The following SMYD2 variants were observed in gnomAD, a reference collection of about 807,000 sequenced individuals.
The protein encoded by SMYD2 is SET and MYND domain containing 2.
A neutral mutation model predicts 59.1 loss-of-function variants in SMYD2; 53 were observed. The ratio of observed to expected loss-of-function variants is 0.90; its 90% CI spans 0.72 to 1.13. SMYD2 has a LOEUF of 1.13. SMYD2 is among the 50% of genes most tolerant of loss of function. The pLI is 0.00. For missense variants in SMYD2, 494 were observed against 544.7 expected (o/e 0.91, Z 0.93); for synonymous variants, 208 against 198.8 (o/e 1.05, Z -0.39).
chr1:214,333,268 G>A (rs908101409), intron 10 of SMYD2: 3 of 152,358 alleles, frequency 2.0e-5, no homozygotes, highest in Non-Finnish European at 4.4e-5. Flanking sequence ...TGTAGGGAGA[G>A]AGGAGCAGAC....
In SMYD2 at chr1:214,305,183, TAAGGA is replaced by T; in HGVS notation, c.174_178del (p.Lys59ArgfsTer75). 6.2e-7 allele frequency: 1 copy of T among 1,614,114 alleles called. No individual in the cohort carries two copies. The highest frequency in any genetic ancestry group is 8.5e-7 in the Non-Finnish European group (1 of 1,179,932). On this transcript the variant is annotated splice_acceptor_variant and splice_polypyrimidine_tract_variant and coding_sequence_variant and intron_variant, in exon 2 of 12. Transcript: ENST00000366957. LOFTEE classifies it high-confidence loss of function. ...ACCACTACAGTGCCCTTTCTGTTTT[TAAGGA>T]AAGAAGGATTGTCCAAATGTGGAAG...
At chr1:214,306,074 C>T (rs529884221) in intron 2 of SMYD2, among the ~76,000 whole-genome samples, 5 of 152,068 alleles carry the variant, frequency 3.3e-5, no homozygotes, top group Non-Finnish European at 5.9e-5. Context: ...CTGGACACCC[C>T]GTGGCATTTA....
In SMYD2 at chr1:214,330,154, T is replaced by C. The variant is rs1558057994; in HGVS notation, c.706-14T>C. 3 of 1,567,410 alleles carry C rather than the reference T, an allele frequency of 1.9e-6. No individual in the cohort carries two copies. Among genetic ancestry groups the C allele is most frequent in the Non-Finnish European group, 1.7e-6 (2 of 1,143,596 alleles). ...CTGTAGCAGACTGAAGCTTTATCTT[T>C]TTGGACCCCGTAGGTTTTTACCAGC... is the stretch of plus-strand genomic sequence containing the variant. On this transcript the variant is annotated splice_polypyrimidine_tract_variant and intron_variant, in intron 7 of 11. Transcript: ENST00000366957.
At chr1:214,286,298 C>T (rs887574299) in intron 1 of SMYD2, among the ~76,000 whole-genome samples, 3 of 151,972 alleles carry the variant, frequency 2.0e-5, no homozygotes, top group African/African-American at 7.2e-5. Flanking sequence ...AGACCCCATT[C>T]GCTACAAAAA....
intron 8 of SMYD2, 71 bp downstream of exon 8, chr1:214,330,349 C>T (rs1042971818): frequency 9.3e-7 from 1 of 1,074,996 alleles, no homozygotes; most frequent in Non-Finnish European, 1.4e-6. Flanking sequence ...AAGAGCTTGT[C>T]TGACTTGGCG....
At chr1:214,289,073 C>T (rs1346498559) in intron 1 of SMYD2, among the ~76,000 whole-genome samples, 1 of 151,570 alleles carries the variant, frequency 6.6e-6, no homozygotes, top group Non-Finnish European at 1.5e-5. Flanking sequence ...TCCTGTAGAA[C>T]AGGCAAGTTG....
intron 1 of SMYD2, among the ~76,000 whole-genome samples, chr1:214,283,017 G>C (rs79695850): frequency 6.6e-6 from 1 of 152,144 alleles, no homozygotes; most frequent in Non-Finnish European, 1.5e-5. Flanking sequence ...GGAAGCCATC[G>C]CCTAAGACCA....
intron 1 of SMYD2, among the ~76,000 whole-genome samples, chr1:214,299,482 T>TATATATACACATATATATATACAC (rs751839365): frequency 1.5e-4 from 7 of 45,870 alleles, no homozygotes; most frequent in African/African-American, 4.7e-4. Flanking sequence ...TATATATATA[T>TATATATACACATATATATATACAC]ACACCATAGA....
Position 214,318,193 on chromosome 1 carries a change from G to C in SMYD2, c.409+54G>C, listed in dbSNP as rs55760458. On this transcript the variant is annotated intron_variant, in intron 4 of 11. Transcript: ENST00000366957. This position sits in a 1 kb window ranked among gnomAD's most constrained non-coding sequence, Gnocchi z 5.4. Reference sequence around the variant, plus strand: ...TTCTCTCAGCCACAGATTTCACATGGGTTGGGCAGGATTGAAGCGAGGACG... The same window carrying C: ...TTCTCTCAGCCACAGATTTCACATGCGTTGGGCAGGATTGAAGCGAGGACG... 0.31 allele frequency: 474,114 copies of C among 1,540,646 alleles called. 77,766 individuals are homozygous for C. The highest frequency in any genetic ancestry group is 0.34 in the Non-Finnish European group (378,090 of 1,118,216).
chr1:214,293,693 T>G (rs1656675288), intron 1 of SMYD2, among the ~76,000 whole-genome samples: 1 of 152,138 alleles, frequency 6.6e-6, no homozygotes, highest in South Asian at 2.1e-4. Flanking sequence ...ACTCTTTTTT[T>G]GAGATGGAGT....
chr1:214,286,882 A>C (rs1417463251), intron 1 of SMYD2, among the ~76,000 whole-genome samples: 1 of 138,294 alleles, frequency 7.2e-6, no homozygotes, highest in Non-Finnish European at 1.5e-5. Flanking sequence ...ATGGAGTCTC[A>C]CTCTGTCACC....
intron 5 of SMYD2, among the ~76,000 whole-genome samples, chr1:214,321,683 T>C (rs1231821865): frequency 6.6e-6 from 1 of 152,210 alleles, no homozygotes; most frequent in Non-Finnish European, 1.5e-5. Flanking sequence ...TGGGAACATA[T>C]GCATGATTGG....
intron 1 of SMYD2, 38 bp downstream of exon 1, chr1:214,281,465 G>A: frequency 6.7e-6 from 9 of 1,341,382 alleles, no homozygotes; most frequent in Non-Finnish European, 8.6e-6. Context: ...GCGGGAGCCG[G>A]GGGCGCCGAG....
rs1280751259 is a variant in SMYD2, at chr1:214,318,126, G to A, written c.396G>A (p.Lys132=). 4 of 1,613,970 alleles carry A rather than the reference G, an allele frequency of 2.5e-6. No homozygotes were observed. The highest frequency in any genetic ancestry group is 1.3e-5 in the African/African-American group (1 of 75,032). Residue 132 remains lysine, a synonymous_variant, in exon 4 of 12, where the codon AAG becomes AAA. Transcript: ENST00000366957. This position sits in a 1 kb window ranked among gnomAD's most constrained non-coding sequence, Gnocchi z 5.4. ...CTTCGGAAAAATTGTTAGCTGTGAA[G>A]GAGTTTGAATCACGTAAGTCTTTCT... ...RTPSEKLLAV[K]EFESHLDKLD... is the part of the protein sequence containing the mutation.
At chr1:214,311,508 C>T (rs938052235) in intron 2 of SMYD2, among the ~76,000 whole-genome samples, 11 of 152,280 alleles carry the variant, frequency 7.2e-5, no homozygotes, top group Non-Finnish European at 1.5e-5. Flanking sequence ...CGTTGTCACA[C>T]AGCTGCTTCG....
rs1281416053 is a variant in SMYD2 at position 214,281,224 on chromosome 1, G to C, written c.-31G>C. The C allele has an allele frequency of 6.5e-6, 8 of 1,225,604 alleles. No individual in the cohort carries two copies. The highest frequency in any genetic ancestry group is 8.2e-6 in the Non-Finnish European group (8 of 979,384). 75.9% of individuals were successfully genotyped at this position (1,225,604 alleles called of 1,614,324 possible). The stretch of plus-strand genomic sequence containing the variant: ...CAGCTCGCCGGGAGCCGCAGCTCGG[G>C]CACAGCCGGCGGCCGCGCCCCGCCG... On this transcript the variant is annotated 5_prime_UTR_variant, in exon 1 of 12. Transcript: ENST00000366957.
intron 6 of SMYD2, among the ~76,000 whole-genome samples, chr1:214,326,458 C>T (rs1451431006): frequency 6.6e-6 from 1 of 152,028 alleles, no homozygotes; most frequent in Admixed American, 6.6e-5. Flanking sequence ...AACTACCCTT[C>T]GATGCATTTG....
chr1:214,281,816 G>A (rs1173657482), intron 1 of SMYD2, among the ~76,000 whole-genome samples: 3 of 152,254 alleles, frequency 2.0e-5, no homozygotes, highest in East Asian at 3.9e-4. Flanking sequence ...GCAGCCACGG[G>A]CTGTCACCTT....
intron 2 of SMYD2, among the ~76,000 whole-genome samples, chr1:214,309,445 G>A (rs1056783732): frequency 6.6e-6 from 1 of 152,172 alleles, no homozygotes; most frequent in African/African-American, 2.4e-5. Flanking sequence ...TAATCATTGT[G>A]CAGTAGGACT....
Sources: gnomAD v4.1 joint callset for allele counts (sites outside exome capture counted in the v4.1 genomes callset) on GRCh38, gnomAD v4.1.1 for gene constraint, Gnocchi (gnomAD v3.1) non-coding constraint, MANE v1.5 for transcripts, NCBI Gene and HGNC (gene_info 2026-07-23, HGNC 2026-07-21) for gene names.